The following C1orf50 variants were observed in gnomAD, a reference collection of about 807,000 sequenced individuals.
The protein encoded by C1orf50 is chromosome 1 open reading frame 50, also known as uncharacterized protein C1orf50.
A neutral mutation model predicts 23.3 loss-of-function variants in C1orf50; 22 were observed. The ratio of observed to expected loss-of-function variants is 0.94; its 90% CI spans 0.67 to 1.35. The LOEUF (loss-of-function observed/expected upper bound fraction) is 1.35, where lower values mean the gene tolerates loss of function less well. Ranked by LOEUF, C1orf50 falls within the 40% of genes most tolerant of loss-of-function variation. The pLI is 0.00. For synonymous variants in C1orf50, 96 were observed against 102.4 expected, an observed-to-expected ratio of 0.94 and a Z score of 0.38; for missense variants, 271 against 249.4, an observed-to-expected ratio of 1.09 and a Z score of -0.58.
In C1orf50 at chr1:42,778,974, T is replaced by TTCCC. The variant is rs1653391176; in HGVS notation, c.*3580_*3581insTCCC. 1 of 61,626 alleles carries TTCCC rather than the reference T, an allele frequency of 1.6e-5. No individual in the cohort carries two copies. Among genetic ancestry groups the TTCCC allele is most frequent in the Non-Finnish European group, 3.2e-5 (1 of 31,122 alleles). 3.8% of individuals were successfully genotyped at this position (61,626 alleles called of 1,614,324 possible). A position where few individuals can be genotyped will look rare whatever the true frequency, so the allele number is the denominator to read the frequency against. On this transcript the variant is annotated 3_prime_UTR_variant, in exon 5 of 5. Transcript: ENST00000372525. Reference sequence around the variant, plus strand: ...TATTTCACCAATTACAAGGTGTACTTCCCCCCCCCCCCCCCCCACATTTTG... The same window carrying TTCCC: ...TATTTCACCAATTACAAGGTGTACTTTCCCCCCCCCCCCCCCCCCCCACATTTTG...
At position 42,778,454 on chromosome 1, in the gene C1orf50, TG is replaced by T. The variant is rs1240516722; in HGVS notation, c.*3061del. 2.0e-5 allele frequency: 3 copies of T among 152,220 alleles called. No individual in the cohort carries two copies. The highest frequency in any genetic ancestry group is 4.4e-5 in the Non-Finnish European group (3 of 68,048). The allele number at this position is 152,220 out of a possible 1,614,324, so 9.4% of individuals were successfully genotyped here. ...GGAGGAGCTGATGCCTGCTTGGTGT[TG>T]AAAACCATACAAGTTAGAACTTTCT... On this transcript the variant is annotated 3_prime_UTR_variant, in exon 5 of 5. Coordinates refer to ENST00000372525, the MANE Select transcript of C1orf50 (RefSeq NM_024097.4).
rs1305354301 is a variant in C1orf50 at position 42,775,289 on chromosome 1, C to T, written c.495C>T (p.Asp165=). Residue 165 remains aspartate (D), a synonymous_variant, in exon 5 of 5, where the codon GAC becomes GAT. Transcript: ENST00000372525. ...QHDLSWTPYE[D]IEKQDAKISM... The stretch of plus-strand genomic sequence containing the variant: ...ACTTGTCCTGGACTCCGTATGAGGA[C>T]ATTGAGAAGCAAGATGCTAAAATCA... 6.2e-7 allele frequency: 1 copy of T among 1,613,348 alleles called. No individual in the cohort carries two copies. Among genetic ancestry groups the T allele is most frequent in the East Asian group, 2.2e-5 (1 of 44,870 alleles).
Position 42,778,528 on chromosome 1 carries a change from G to A in C1orf50, c.*3134G>A, listed in dbSNP as rs1653383252. 6.6e-6 allele frequency: 1 copy of A among 152,142 alleles called. No homozygotes were observed. The highest frequency in any genetic ancestry group is 1.5e-5 in the Non-Finnish European group (1 of 68,050). The allele number at this position is 152,142 out of a possible 1,614,324, so 9.4% of individuals were successfully genotyped here. A position where few individuals can be genotyped will look rare whatever the true frequency, so the allele number is the denominator to read the frequency against. ...TAGGAAGTTTGTCTTTTGGGGGTTG[G>A]GGTAGGGTTCATTTTTGGATGGAGT... On this transcript the variant is annotated 3_prime_UTR_variant, in exon 5 of 5. Transcript: ENST00000372525.
At chr1:42,774,623 G>C in intron 3 of C1orf50, 114 bp from the exon 4 acceptor site, 2 of 1,157,086 alleles carry the variant, frequency 1.7e-6, no homozygotes, top group South Asian at 1.7e-5. Flanking sequence ...TCATTGCTAT[G>C]GGGGAGCAAG....
intron 2 of C1orf50, 166 bp from the exon 3 acceptor site, chr1:42,773,397 A>G (rs1314149966): frequency 3.9e-6 from 2 of 511,764 alleles, no homozygotes; most frequent in Admixed American, 6.7e-5. Flanking sequence ...TGACAGTGCT[A>G]TCTGAGTGGG....
Position 42,767,256 on chromosome 1 carries a change from T to C in C1orf50, c.-56T>C, listed in dbSNP as rs1478981191. On this transcript the variant is annotated 5_prime_UTR_variant, in exon 1 of 5. An upstream start codon of the reference 5' UTR is lost. Transcript: ENST00000372525. ...CGGAAGCTCCGCCCACGCGCCTTTA[T>C]GCGCAGGCTCTTCCTACTCGCACAG... The C allele has an allele frequency of 1.4e-6, 2 of 1,455,864 alleles. No individual in the cohort carries two copies. Among genetic ancestry groups the C allele is most frequent in the African/African-American group, 1.4e-5 (1 of 69,682 alleles). The allele number at this position is 1,455,864 out of a possible 1,614,324, so 90.2% of individuals were successfully genotyped here. A position where few individuals can be genotyped will look rare whatever the true frequency, so the allele number is the denominator to read the frequency against.
Position 42,778,087 on chromosome 1 carries a change from C to T in C1orf50, c.*2693C>T, listed in dbSNP as rs1653374673. 2 of 152,090 alleles carry T rather than the reference C, an allele frequency of 1.3e-5. No individual in the cohort carries two copies. The highest frequency in any genetic ancestry group is 4.1e-4 in the South Asian group (2 of 4,828). 9.4% of individuals were successfully genotyped at this position (152,090 alleles called of 1,614,324 possible). A position where few individuals can be genotyped will look rare whatever the true frequency, so the allele number is the denominator to read the frequency against. On this transcript the variant is annotated 3_prime_UTR_variant, in exon 5 of 5. Transcript: ENST00000372525. ...TCTTTCCTGGTTAAGCCAGTTACCA[C>T]ACTTGGGAAGGGCTAGTGGCAATGT...
chr1:42,774,896 A>G (rs757522060), intron 4 of C1orf50, 28 bp downstream of exon 4: 2 of 1,592,270 alleles, frequency 1.3e-6, no homozygotes, highest in African/African-American at 2.7e-5. Context: ...TTGCCCAAAA[A>G]TCTACTCCAG....
intron 4 of C1orf50, 23 bp downstream of exon 4, chr1:42,774,891 C>G (rs1458780836): frequency 1.1e-5 from 17 of 1,592,202 alleles, no homozygotes; most frequent in Non-Finnish European, 1.1e-5. Context: ...ATTGTTTGCC[C>G]AAAAATCTAC....
At chr1:42,769,140 C>T (rs1009796700) in intron 2 of C1orf50, among the ~76,000 whole-genome samples, 5 of 151,756 alleles carry the variant, frequency 3.3e-5, no homozygotes, top group Non-Finnish European at 7.4e-5. Context: ...CTCAGCTACT[C>T]GGGAGGCTGA....
rs903063224 is a variant in C1orf50 at position 42,779,444 on chromosome 1, C to T, written c.*4050C>T. 1.3e-5 allele frequency: 2 copies of T among 151,038 alleles called. No homozygotes were observed. The highest frequency in any genetic ancestry group is 2.4e-5 in the African/African-American group (1 of 41,060). 9.4% of individuals were successfully genotyped at this position (151,038 alleles called of 1,614,324 possible). On this transcript the variant is annotated 3_prime_UTR_variant, in exon 5 of 5. Coordinates refer to ENST00000372525, the MANE Select transcript of C1orf50 (RefSeq NM_024097.4). ...GATGAAGCATGGCACATTGAAAGTA[C>T]AATCGATTGCCATCTTGTTAATAAA...
At chr1:42,769,631 C>G (rs1653174087) in intron 2 of C1orf50, 1 of 151,768 alleles carries the variant, frequency 6.6e-6, no homozygotes, top group South Asian at 2.1e-4. Context: ...ATCACGAGAT[C>G]AGGAATTCAA....
Position 42,767,575 on chromosome 1 carries a change from G to A in C1orf50, c.146G>A (p.Arg49Gln), listed in dbSNP as rs1359331391. The A allele has an allele frequency of 5.0e-6, 8 of 1,611,680 alleles. No individual in the cohort carries two copies. Among genetic ancestry groups the A allele is most frequent in the Middle Eastern group, 1.7e-4 (1 of 6,058 alleles). ...CTGGTGAGCCCCTACCACACCCACCGGGCCGGGGACCCCTTAGACCTCGTG... is the reference window on the plus strand; with the variant it reads ...CTGGTGAGCCCCTACCACACCCACCAGGCCGGGGACCCCTTAGACCTCGTG... ...LALVSPYHTHRAGDPLDLVAL... is the reference protein window; with the variant it reads ...LALVSPYHTHQAGDPLDLVAL... Residue 49 changes from arginine (R) to glutamine (Q), a missense_variant, in exon 2 of 5, where the codon CGG becomes CAG. By Grantham distance (43) the Arg-to-Gln change is conservative (BLOSUM62 1). Coordinates refer to ENST00000372525, the MANE Select transcript of C1orf50 (RefSeq NM_024097.4).
At chr1:42,771,367 ATTAC>A (rs1439902296) in intron 2 of C1orf50, among the ~76,000 whole-genome samples, 1 of 152,190 alleles carries the variant, frequency 6.6e-6, no homozygotes, top group Non-Finnish European at 1.5e-5. Flanking sequence ...AAACCTGATA[ATTAC>A]TTCAATTATT....
rs756237634 is a variant in C1orf50, at chr1:42,774,877, A to G, written c.414+9A>G. The G allele has an allele frequency of 9.4e-6, 15 of 1,599,696 alleles. No individual in the cohort carries two copies. Among genetic ancestry groups the G allele is most frequent in the Non-Finnish European group, 1.2e-5 (14 of 1,171,144 alleles). ...CCATCATTTCTCCAAAGGTAAGAAC[A>G]TACATTGTTTGCCCAAAAATCTACT... On this transcript the variant is annotated intron_variant, in intron 4 of 4. Transcript: ENST00000372525.
intron 4 of C1orf50, 30 bp downstream of exon 4, chr1:42,774,898 C>A: frequency 6.3e-7 from 1 of 1,588,450 alleles, no homozygotes; most frequent in Non-Finnish European, 8.6e-7. Flanking sequence ...GCCCAAAAAT[C>A]TACTCCAGCC....
In C1orf50 at chr1:42,775,372, A is replaced by G. The variant is rs765205781; in HGVS notation, c.578A>G (p.Asn193Ser). ...GCCCTGCCTCCGTGCACTGAACCCA[A>G]CTTCCAGGGACTGACTCACTGAGAG... ...SVALPPCTEP[N>S]FQGLTH The change falls in exon 5 of 5, where the codon AAC becomes AGC. Residue 193 changes from asparagine to serine, a missense_variant. Asn to Ser is a conservative substitution (Grantham distance 46). Coordinates refer to ENST00000372525, the MANE Select transcript of C1orf50 (RefSeq NM_024097.4). The G allele has an allele frequency of 1.1e-5, 18 of 1,592,188 alleles. No individual in the cohort carries two copies. Among genetic ancestry groups the G allele is most frequent in the African/African-American group, 5.4e-5 (4 of 74,604 alleles).
intron 2 of C1orf50, among the ~76,000 whole-genome samples, chr1:42,768,578 A>T: frequency 6.6e-6 from 1 of 151,516 alleles, no homozygotes; most frequent in Non-Finnish European, 1.5e-5. Context: ...TTTTAAAATT[A>T]AGAAAAATTC....
At position 42,767,383 on chromosome 1, in the gene C1orf50, C is replaced by T; in HGVS notation, c.72C>T (p.Gly24=). 1 of 1,555,840 alleles carries T rather than the reference C, an allele frequency of 6.4e-7. No individual in the cohort carries two copies. The highest frequency in any genetic ancestry group is 8.7e-7 in the Non-Finnish European group (1 of 1,152,224). Residue 24 remains glycine, a synonymous_variant, in exon 1 of 5, where the codon GGC becomes GGT. Transcript: ENST00000372525. The part of the protein sequence containing the change: ...LERQGAPPAA[G]QGGALVELTP... The stretch of plus-strand genomic sequence containing the variant: ...GGCAAGGAGCGCCGCCAGCTGCAGG[C>T]CAGGGAGGTATGCGGGGCGGGAGTC...
Sources: allele counts gnomAD v4.1 joint callset (sites outside exome capture counted in the v4.1 genomes callset), GRCh38; gene constraint gnomAD v4.1.1; transcripts MANE v1.5; gene names NCBI Gene and HGNC (gene_info 2026-07-23, HGNC 2026-07-21).